ZNF385D: variants seen among roughly 807,000 people sequenced by gnomAD.
ZNF385D encodes the protein zinc finger protein 659.
ZNF385D carries 15 observed loss-of-function variants against 35.8 expected under a neutral mutation model. The ratio of observed to expected loss-of-function variants is 0.42; its 90% CI spans 0.28 to 0.64. The LOEUF is 0.64. ZNF385D is among the 30% of genes least tolerant of loss of function. The pLI is 0.23. For missense variants in ZNF385D, 474 were observed against 494.6 expected (o/e 0.96, Z 0.39); for synonymous variants, 212 against 186.8 (o/e 1.13, Z -1.10).
chr3:21,680,445 A>G (rs763233867), intron 1 of ZNF385D, among the ~76,000 whole-genome samples: 15 of 152,106 alleles, frequency 9.9e-5, no homozygotes, highest in Admixed American at 2.0e-4. Context: ...AACAAGTGCA[A>G]TTTTCTAATA....
chr3:22,179,218 C>T (rs977651619), intron 2 of ZNF385D, among the ~76,000 whole-genome samples: 2 of 152,190 alleles, frequency 1.3e-5, no homozygotes, highest in African/African-American at 4.8e-5. Context: ...TACCCATGAG[C>T]ATGGAATGGT....
chr3:22,168,775 T>C lies in ZNF385D; in HGVS notation c.325+42A>G, dbSNP rs138722749. On this transcript the variant is annotated intron_variant, in intron 3 of 5. Coordinates refer to the ZNF385D transcript ENST00000494108. Reference sequence around the variant, plus strand: ...TCTGCAGGTACACAAATAACTTAAATTGATGATGTAAAATTGAGAAAATAT... The same window carrying C: ...TCTGCAGGTACACAAATAACTTAAACTGATGATGTAAAATTGAGAAAATAT... 1,346 of 971,452 alleles carry C rather than the reference T, an allele frequency of 1.4e-3. 9 individuals carry two copies. In the African/African-American group the frequency reaches 0.02, roughly 14 times the overall value. The allele number at this position is 971,452 out of a possible 1,614,324, so 60.2% of individuals were successfully genotyped here.
chr3:21,620,745 C>A (rs1575336263), intron 2 of ZNF385D, among the ~76,000 whole-genome samples: 1 of 152,094 alleles, frequency 6.6e-6, no homozygotes, highest in Non-Finnish European at 1.5e-5. Flanking sequence ...AGTTGTGATA[C>A]GGTGATTGCC....
intron 2 of ZNF385D, among the ~76,000 whole-genome samples, chr3:22,305,750 A>G (rs574340109): frequency 6.6e-6 from 1 of 152,306 alleles, no homozygotes; most frequent in East Asian, 1.9e-4. Flanking sequence ...TGTGCTCAGT[A>G]AAAGTAGAGA....
At chr3:21,444,528 G>T (rs888645544) in intron 4 of ZNF385D, among the ~76,000 whole-genome samples, 2 of 151,532 alleles carry the variant, frequency 1.3e-5, no homozygotes, top group African/African-American at 4.9e-5. Context: ...GGGATTACAG[G>T]CACACACCAC....
At position 22,203,200 on chromosome 3, in the gene ZNF385D, AG is replaced by A. The variant is rs138816858; in HGVS notation, c.107-34166del. On this transcript the variant is annotated intron_variant, in intron 2 of 5. Coordinates refer to the ZNF385D transcript ENST00000494108. ...TCTCTTGCAACTTGGACACCAGCTTAGCCACAACAGGATAGGGCAATGGGCA... is the reference window on the plus strand; with the variant it reads ...TCTCTTGCAACTTGGACACCAGCTTACCACAACAGGATAGGGCAATGGGCA... Among the ~76,000 whole-genome samples, 949 of 152,222 alleles carry A rather than the reference AG, an allele frequency of 6.2e-3. 6 individuals are homozygous for A. The highest frequency in any genetic ancestry group is 0.021 in the African/African-American group (883 of 41,558).
intron 3 of ZNF385D, among the ~76,000 whole-genome samples, chr3:22,019,034 C>CTTTTTTTTTTTTTTTT (rs11380195): frequency 1.1e-4 from 7 of 64,468 alleles, no homozygotes; most frequent in African/African-American, 2.2e-4. Flanking sequence ...AGTTATTTAC[C>CTTTTTTTTTTTTTTTT]TTTTTTTTTT....
chr3:21,773,374 T>C (rs1559608954), intron 3 of ZNF385D, among the ~76,000 whole-genome samples: 3 of 151,786 alleles, frequency 2.0e-5, no homozygotes, highest in Admixed American at 2.0e-4. Flanking sequence ...GATTTTATGA[T>C]GAAGACTCCA....
chr3:21,723,336 G>T (rs983139352), intron 1 of ZNF385D, among the ~76,000 whole-genome samples: 1 of 152,024 alleles, frequency 6.6e-6, no homozygotes, highest in African/African-American at 2.4e-5. Flanking sequence ...TCAGAAGGTG[G>T]GTAATAACAA....
At chr3:21,964,288 G>T (rs259572) in intron 3 of ZNF385D, among the ~76,000 whole-genome samples, 2 of 150,484 alleles carry the variant, frequency 1.3e-5, no homozygotes, top group Admixed American at 1.3e-4. Context: ...TTGTATGTGT[G>T]AAAAACTATA....
At chr3:21,487,147 C>G (rs916161817) in intron 4 of ZNF385D, among the ~76,000 whole-genome samples, 1 of 152,146 alleles carries the variant, frequency 6.6e-6, no homozygotes, top group African/African-American at 2.4e-5. Flanking sequence ...CATTCCTCTA[C>G]ACTGTAACAC....
At chr3:22,094,808 T>G (rs1407402214) in intron 3 of ZNF385D, among the ~76,000 whole-genome samples, 2 of 152,100 alleles carry the variant, frequency 1.3e-5, no homozygotes, top group Admixed American at 6.6e-5. Flanking sequence ...AGGTTGTCAG[T>G]TAACTTCATT....
intron 3 of ZNF385D, among the ~76,000 whole-genome samples, chr3:22,046,459 A>G (rs954838088): frequency 2.0e-5 from 3 of 152,116 alleles, no homozygotes; most frequent in Non-Finnish European, 4.4e-5. Flanking sequence ...TGTTTTGCTG[A>G]TATTTAATCC....
intron 2 of ZNF385D, among the ~76,000 whole-genome samples, chr3:22,261,354 T>C (rs9860795): frequency 0.022 from 3,391 of 152,162 alleles, 122 homozygotes; most frequent in African/African-American, 0.076. Context: ...GGTTTTACAA[T>C]CTAATGCATT....
intron 3 of ZNF385D, among the ~76,000 whole-genome samples, chr3:22,014,199 G>C (rs375297479): frequency 6.6e-6 from 1 of 151,694 alleles, no homozygotes; most frequent in African/African-American, 2.4e-5. Flanking sequence ...TAAAAGCATG[G>C]CTGCTACCTT....
chr3:22,220,410 G>C (rs1053899189), intron 2 of ZNF385D, among the ~76,000 whole-genome samples: 1 of 148,520 alleles, frequency 6.7e-6, no homozygotes, highest in Non-Finnish European at 1.5e-5. Flanking sequence ...ATTTCAATCA[G>C]AACTCCATAG....
chr3:22,359,431 C>G (rs1056756414), intron 2 of ZNF385D, among the ~76,000 whole-genome samples: 33 of 151,958 alleles, frequency 2.2e-4, no homozygotes, highest in Middle Eastern at 3.4e-3. Context: ...TTCAGAGGCT[C>G]TACTACCTTG....
chr3:21,538,414 T>C (rs2125553961), intron 3 of ZNF385D, among the ~76,000 whole-genome samples: 1 of 152,182 alleles, frequency 6.6e-6, no homozygotes, highest in Non-Finnish European at 1.5e-5. Flanking sequence ...TGAGATAGGA[T>C]AGGTTGTGTG....
At chr3:21,881,539 C>T (rs1242524947) in intron 3 of ZNF385D, among the ~76,000 whole-genome samples, 1 of 151,934 alleles carries the variant, frequency 6.6e-6, no homozygotes, top group African/African-American at 2.4e-5. Flanking sequence ...ACATACTGGC[C>T]ACCCAAGAGC....
Sources: allele counts gnomAD v4.1 joint callset (sites outside exome capture counted in the v4.1 genomes callset), GRCh38; gene constraint gnomAD v4.1.1; transcripts MANE v1.5; gene names NCBI Gene and HGNC (gene_info 2026-07-23, HGNC 2026-07-21).